SLC6A11: variants seen among roughly 807,000 people sequenced by gnomAD.
SLC6A11 encodes the protein sodium- and chloride-dependent GABA transporter 3.
Under a neutral mutation model 74.8 loss-of-function variants are expected in SLC6A11, and 25 were observed. The ratio of observed to expected loss-of-function variants is 0.33; its 90% confidence interval spans 0.24 to 0.47. The LOEUF (loss-of-function observed/expected upper bound fraction) is 0.47, where lower values mean the gene tolerates loss of function less well. Ranked by LOEUF, SLC6A11 falls within the 20% of genes least tolerant of loss-of-function variation. SLC6A11 has a pLI of 1.00. For synonymous variants in SLC6A11, 330 were observed against 330.2 expected, an observed-to-expected ratio of 1.00 and a Z score of 0.01; for missense variants, 574 against 837.0, an observed-to-expected ratio of 0.69 and a Z score of 3.88.
intron 6 of SLC6A11, among the ~76,000 whole-genome samples, chr3:10,889,892 C>T (rs1314672467): frequency 6.6e-6 from 1 of 152,040 alleles, no homozygotes; most frequent in Non-Finnish European, 1.5e-5. Context: ...CGCTCCCATG[C>T]CAGGGGGGAG....
intron 5 of SLC6A11, among the ~76,000 whole-genome samples, chr3:10,859,748 T>C (rs571274978): frequency 6.6e-6 from 1 of 152,342 alleles, no homozygotes; most frequent in South Asian, 2.1e-4. Flanking sequence ...TAATATGCCA[T>C]ATTTTGTCTA....
rs1236571688 is a variant in SLC6A11, at chr3:10,816,748, G to A, written c.256+227G>A. Among the ~76,000 whole-genome samples the A allele has an allele frequency of 1.3e-5, 2 of 152,238 alleles. No homozygotes were observed. The highest frequency in any genetic ancestry group is 1.3e-4 in the Admixed American group (2 of 15,288). ...ACCTGAGGGTTCCACCTGCCAGCGC[G>A]GGGACTTGCCCGCGTTCTGTCCCCA... On this transcript the variant is annotated intron_variant, in intron 1 of 13. Coordinates refer to ENST00000254488, the MANE Select transcript of SLC6A11 (RefSeq NM_014229.3). The surrounding 1 kb of genome is among the most constrained non-coding windows in gnomAD (Gnocchi z 4.2).
chr3:10,890,058 C>A (rs1166446489), intron 6 of SLC6A11, among the ~76,000 whole-genome samples: 1 of 151,992 alleles, frequency 6.6e-6, no homozygotes, highest in Non-Finnish European at 1.5e-5. Context: ...CAACTCAGTT[C>A]CTCTGTTTCA....
intron 5 of SLC6A11, among the ~76,000 whole-genome samples, chr3:10,847,425 T>G (rs1295965287): frequency 6.6e-6 from 1 of 152,222 alleles, no homozygotes; most frequent in Admixed American, 6.5e-5. Context: ...ATTAAGTATT[T>G]TCCTGAAGAC....
At chr3:10,937,028 C>T (rs933101569) in intron 13 of SLC6A11, among the ~76,000 whole-genome samples, 1 of 152,116 alleles carries the variant, frequency 6.6e-6, no homozygotes, top group Non-Finnish European at 1.5e-5. Context: ...ACCCGAGCCT[C>T]AGTTCCCACA....
In SLC6A11 at chr3:10,819,744, C is replaced by T. The variant is rs144440521; in HGVS notation, c.424C>T (p.His142Tyr). The T allele has an allele frequency of 1.3e-4, 208 of 1,614,100 alleles. No individual in the cohort carries two copies. Among genetic ancestry groups the T allele is most frequent in the Non-Finnish European group, 1.6e-4 (194 of 1,180,044 alleles). ...CTATGCAACACAGGTGATTGAGGCCCATCTGAATGTGTACTACATCATCAT... is the reference window on the plus strand; with the variant it reads ...CTATGCAACACAGGTGATTGAGGCCTATCTGAATGTGTACTACATCATCAT... ...IGYATQVIEA[H>Y]LNVYYIIILA... Residue 142 changes from histidine (H) to tyrosine (Y), a missense_variant, in exon 3 of 14, where the codon CAT (histidine) becomes TAT (tyrosine). His to Tyr is a moderately conservative substitution (Grantham distance 83). This residue lies in a region of SLC6A11 where 215 missense variants were observed against 357.9 expected (regional missense o/e 0.60). Transcript: ENST00000254488.
At chr3:10,819,895 C>A in intron 3 of SLC6A11, 43 bp downstream of exon 3, 1 of 1,603,376 alleles carries the variant, frequency 6.2e-7, no homozygotes, top group Non-Finnish European at 8.5e-7. Context: ...TGCTGGGTGA[C>A]CTGGGATTGG....
chr3:10,864,199 T>C (rs911855111), intron 5 of SLC6A11, among the ~76,000 whole-genome samples: 10 of 151,890 alleles, frequency 6.6e-5, no homozygotes, highest in South Asian at 4.2e-4. Context: ...GAATGAGCCA[T>C]GGGTGTAGGT....
rs184699476 is a variant in SLC6A11, at chr3:10,848,445, A to G, written c.756+4099A>G. Among the ~76,000 whole-genome samples, 3 of 152,322 alleles carry G rather than the reference A, an allele frequency of 2.0e-5. No individual in the cohort carries two copies. In the East Asian group the frequency reaches 5.8e-4, roughly 29 times the overall value. Reference sequence around the variant, plus strand: ...GTATGCCTCACAACCTTTTGATGCTAGGCATGTGGGATTTTCCCCAACCCC... The same window carrying G: ...GTATGCCTCACAACCTTTTGATGCTGGGCATGTGGGATTTTCCCCAACCCC... On this transcript the variant is annotated intron_variant, in intron 5 of 13. Coordinates refer to ENST00000254488, the MANE Select transcript of SLC6A11 (RefSeq NM_014229.3).
intron 4 of SLC6A11, among the ~76,000 whole-genome samples, chr3:10,837,836 A>G (rs78971533): frequency 0.099 from 15,131 of 152,254 alleles, 1,104 homozygotes; most frequent in Admixed American, 0.25. Flanking sequence ...GAGTCCCCCC[A>G]TAAATGTGGA....
chr3:10,874,824 A>C (rs568120974), intron 5 of SLC6A11, 137 bp from the exon 6 acceptor site: 1 of 763,668 alleles, frequency 1.3e-6, no homozygotes, highest in East Asian at 2.7e-5. Context: ...AATGTGGTCT[A>C]TACACGCGGG....
chr3:10,827,932 C>T (rs1020578572), intron 4 of SLC6A11, among the ~76,000 whole-genome samples: 1 of 152,182 alleles, frequency 6.6e-6, no homozygotes, highest in Non-Finnish European at 1.5e-5. Context: ...CTACATCAGT[C>T]CTGGATTCTG....
At position 10,819,771 on chromosome 3, in the gene SLC6A11, C is replaced by A; in HGVS notation, c.451C>A (p.Leu151Met). 6.2e-7 allele frequency: 1 copy of A among 1,614,226 alleles called. No homozygotes were observed. Among genetic ancestry groups the A allele is most frequent in the Non-Finnish European group, 8.5e-7 (1 of 1,180,022 alleles). The change falls in exon 3 of 14, where the codon CTG (leucine) becomes ATG (methionine). Residue 151 changes from leucine to methionine, a missense_variant. This residue lies in a region of SLC6A11 where 215 missense variants were observed against 357.9 expected (regional missense o/e 0.60). Transcript: ENST00000254488. ...AHLNVYYIIILAWAIFYLSNC... is the reference protein window; with the variant it reads ...AHLNVYYIIIMAWAIFYLSNC... ...TCTGAATGTGTACTACATCATCATCCTGGCATGGGCCATTTTTTACCTGAG... is the reference window on the plus strand; with the variant it reads ...TCTGAATGTGTACTACATCATCATCATGGCATGGGCCATTTTTTACCTGAG...
At chr3:10,878,502 T>G (rs889276485) in intron 6 of SLC6A11, among the ~76,000 whole-genome samples, 2 of 151,342 alleles carry the variant, frequency 1.3e-5, no homozygotes, top group Admixed American at 6.6e-5. Flanking sequence ...CTTCCCAGGT[T>G]CAAGCAATTC....
intron 6 of SLC6A11, among the ~76,000 whole-genome samples, chr3:10,904,485 C>G (rs189982976): frequency 4.2e-4 from 64 of 152,352 alleles, no homozygotes; most frequent in South Asian, 2.5e-3. Flanking sequence ...GCCCCCCATT[C>G]ATTGCTGCAG....
intron 5 of SLC6A11, among the ~76,000 whole-genome samples, chr3:10,867,261 C>T (rs1160589516): frequency 6.6e-6 from 1 of 152,182 alleles, no homozygotes; most frequent in Non-Finnish European, 1.5e-5. Context: ...GACAAGATGG[C>T]AGCACCTGGC....
At chr3:10,844,395 G>A (rs781757479) in intron 5 of SLC6A11, 49 bp downstream of exon 5, 5 of 1,610,984 alleles carry the variant, frequency 3.1e-6, no homozygotes. Flanking sequence ...GAAGGCACGA[G>A]CTCACAGATG....
At chr3:10,931,356 T>C (rs1695682927) in intron 10 of SLC6A11, among the ~76,000 whole-genome samples, 1 of 152,122 alleles carries the variant, frequency 6.6e-6, no homozygotes, top group Admixed American at 6.5e-5. Flanking sequence ...CTTTGTTCCT[T>C]TGTAGAGTAT....
intron 6 of SLC6A11, among the ~76,000 whole-genome samples, chr3:10,892,018 T>C (rs1695113126): frequency 6.6e-6 from 1 of 152,236 alleles, no homozygotes; most frequent in African/African-American, 2.4e-5. Context: ...CTGCAGCTCC[T>C]CCATAGTTGG....
Sources: allele counts gnomAD v4.1 joint callset (sites outside exome capture counted in the v4.1 genomes callset), GRCh38; gene constraint gnomAD v4.1.1; regional missense constraint gnomAD v4.1.1; non-coding constraint Gnocchi (gnomAD v3.1); transcripts MANE v1.5; gene names NCBI Gene and HGNC (gene_info 2026-07-23, HGNC 2026-07-21).